Variants in MTMR9 observed in about 807,000 individuals in gnomAD.
MTMR9 encodes myotubularin-related protein 9.
In MTMR9, 39 loss-of-function variants were observed where a neutral mutation model predicts 69.5. The ratio of observed to expected loss-of-function variants is 0.56; its 90% confidence interval spans 0.43 to 0.73. MTMR9 has a LOEUF of 0.73. Ranked by LOEUF, MTMR9 falls within the 30% of genes least tolerant of loss-of-function variation. The pLI is 0.00. For synonymous variants in MTMR9, 354 were observed against 240.8 expected (o/e 1.47, Z -4.35); for missense variants, 900 against 671.2 (o/e 1.34, Z -3.77).
intron 1 of MTMR9, 153 bp from the exon 2 acceptor site, chr8:11,295,041 A>G (rs1339104499): frequency 2.4e-5 from 12 of 491,116 alleles, no homozygotes; most frequent in African/African-American, 1.8e-4. Context: ...CTCACATTTT[A>G]ATGATGCAGC....
the MTMR9 span, among the ~76,000 whole-genome samples, chr8:11,333,742 C>G: frequency 6.6e-6 from 1 of 152,148 alleles, no homozygotes; most frequent in Non-Finnish European, 1.5e-5. Flanking sequence ...ACAAGAAATG[C>G]TAAAGGGAGT....
At position 11,285,081 on chromosome 8, in the gene MTMR9, G is replaced by C; in HGVS notation, c.182+11G>C. ...CGCCATCGACAAGCGGTGAGTGCCCGCCCCACCCCAGCTCCGCAGGGAGCC... is the reference window on the plus strand; with the variant it reads ...CGCCATCGACAAGCGGTGAGTGCCCCCCCCACCCCAGCTCCGCAGGGAGCC... On this transcript the variant is annotated intron_variant, in intron 1 of 9. Transcript: ENST00000221086. 6.4e-7 allele frequency: 1 copy of C among 1,565,794 alleles called. No individual in the cohort carries two copies. Among genetic ancestry groups the C allele is most frequent in the Non-Finnish European group, 8.7e-7 (1 of 1,151,916 alleles).
chr8:11,306,392 A>G lies in MTMR9; in HGVS notation c.794A>G (p.His265Arg), dbSNP rs150284036. The G allele has an allele frequency of 6.2e-7, 1 of 1,613,958 alleles. No individual in the cohort carries two copies. Among genetic ancestry groups the G allele is most frequent in the Non-Finnish European group, 8.5e-7 (1 of 1,179,858 alleles). The change falls in exon 5 of 10, where the codon CAT (histidine) becomes CGT (arginine). Residue 265 changes from histidine to arginine, a missense_variant. Coordinates refer to ENST00000221086, the MANE Select transcript of MTMR9 (RefSeq NM_015458.4). The part of the protein sequence containing the change: ...EAHYPQWRRI[H>R]KSIERYHILQ... ...CATTATCCTCAGTGGAGGCGAATTC[A>G]TAAGTCCATTGAGAGGTAAAAGATT...
intron 4 of MTMR9, 82 bp from the exon 5 acceptor site, chr8:11,306,108 T>C: frequency 2.5e-6 from 3 of 1,214,866 alleles, no homozygotes; most frequent in Non-Finnish European, 3.5e-6. Context: ...TTTGAGATAC[T>C]CTTAATCTAG....
intron 7 of MTMR9, 38 bp from the exon 8 acceptor site, chr8:11,316,635 A>G: frequency 7.0e-7 from 1 of 1,425,210 alleles, no homozygotes. Context: ...ATGTGATCTC[A>G]CCAGGATATG....
At chr8:11,294,656 A>C (rs774173532) in intron 1 of MTMR9, 5 of 151,628 alleles carry the variant, frequency 3.3e-5, no homozygotes, top group Non-Finnish European at 5.9e-5. Flanking sequence ...CGCCCAGCTA[A>C]TTTTTTGTAT....
intron 4 of MTMR9, among the ~76,000 whole-genome samples, chr8:11,305,498 A>G (rs556905115): frequency 2.6e-5 from 4 of 152,240 alleles, no homozygotes; most frequent in Non-Finnish European, 2.9e-5. Flanking sequence ...GAGTTAAGAT[A>G]ACTACCTTGT....
chr8:11,291,424 G>A (rs1188137943), intron 1 of MTMR9, among the ~76,000 whole-genome samples: 1 of 152,064 alleles, frequency 6.6e-6, no homozygotes, highest in Non-Finnish European at 1.5e-5. Flanking sequence ...TGCTGTGATA[G>A]GGATGTATAC....
Position 11,324,492 on chromosome 8 carries a change from G to T in MTMR9, c.*1704G>T. On this transcript the variant is annotated 3_prime_UTR_variant, in exon 10 of 10. Transcript: ENST00000221086. Reference sequence around the variant, plus strand: ...CTCGTAGCTCTGCGTTGTGTGAAATGTCCATCTTAGTTTTGTTAAAAAAAA... The same window carrying T: ...CTCGTAGCTCTGCGTTGTGTGAAATTTCCATCTTAGTTTTGTTAAAAAAAA... 7.1e-6 allele frequency: 1 copy of T among 140,322 alleles called. No individual in the cohort carries two copies. The allele number at this position is 140,322 out of a possible 1,614,324, so 8.7% of individuals were successfully genotyped here. A position where few individuals can be genotyped will look rare whatever the true frequency, so the allele number is the denominator to read the frequency against.
intron 6 of MTMR9, among the ~76,000 whole-genome samples, chr8:11,312,738 A>G (rs1037569513): frequency 2.0e-5 from 3 of 152,234 alleles, no homozygotes; most frequent in African/African-American, 7.2e-5. Context: ...TACTTTGTCC[A>G]GAACCATCAG....
At chr8:11,309,814 C>G in intron 6 of MTMR9, 126 bp downstream of exon 6, 1 of 943,820 alleles carries the variant, frequency 1.1e-6, no homozygotes, top group Non-Finnish European at 1.5e-6. Flanking sequence ...CTAGTCAACA[C>G]CATCCCATTA....
At chr8:11,286,708 C>A (rs1488390148) in intron 1 of MTMR9, among the ~76,000 whole-genome samples, 1 of 149,300 alleles carries the variant, frequency 6.7e-6, no homozygotes, top group African/African-American at 2.5e-5. Flanking sequence ...AGTGGTCTCT[C>A]ATTGAAAATC....
rs1024577269 is a variant in MTMR9, at chr8:11,324,696, A to G, written c.*1908A>G. Reference sequence around the variant, plus strand: ...AAACCATCTAGAGAGTTTTCTTTAGAAGTGACTCCCATTAGCCTGGTGTGG... The same window carrying G: ...AAACCATCTAGAGAGTTTTCTTTAGGAGTGACTCCCATTAGCCTGGTGTGG... On this transcript the variant is annotated 3_prime_UTR_variant, in exon 10 of 10. Transcript: ENST00000221086. The G allele has an allele frequency of 2.0e-5, 3 of 152,152 alleles. No individual in the cohort carries two copies. Among genetic ancestry groups the G allele is most frequent in the Non-Finnish European group, 4.4e-5 (3 of 68,030 alleles). 9.4% of individuals were successfully genotyped at this position (152,152 alleles called of 1,614,324 possible).
At chr8:11,294,408 A>G (rs1294773311) in intron 1 of MTMR9, among the ~76,000 whole-genome samples, 17 of 151,680 alleles carry the variant, frequency 1.1e-4, no homozygotes, top group Non-Finnish European at 4.4e-5. Flanking sequence ...CAGGTTGAGG[A>G]AGTTCCCTTC....
chr8:11,332,033 C>A (rs962574609), downstream of MTMR9: 3 of 1,611,736 alleles, frequency 1.9e-6, no homozygotes, highest in African/African-American at 4.0e-5. Flanking sequence ...CACTTTCTGA[C>A]ATCATGGGGG....
At chr8:11,295,822 T>A (rs1182429917) in intron 2 of MTMR9, among the ~76,000 whole-genome samples, 1 of 152,154 alleles carries the variant, frequency 6.6e-6, no homozygotes, top group Non-Finnish European at 1.5e-5. Flanking sequence ...ACAGTTAGAA[T>A]TGCTTTTAGT....
In MTMR9 at chr8:11,325,460, C is replaced by T. The variant is rs999485603; in HGVS notation, c.*2672C>T. ...AGAATGAGTGAGCAAGCAGATTGCC[C>T]CAGAGGGGCCGGTAATAATCACGTG... is the stretch of plus-strand genomic sequence containing the variant. On this transcript the variant is annotated 3_prime_UTR_variant, in exon 10 of 10. Coordinates refer to ENST00000221086, the MANE Select transcript of MTMR9 (RefSeq NM_015458.4). 4 of 152,078 alleles carry T rather than the reference C, an allele frequency of 2.6e-5. No individual in the cohort carries two copies. The highest frequency in any genetic ancestry group is 9.7e-5 in the African/African-American group (4 of 41,392). The allele number at this position is 152,078 out of a possible 1,614,324, so 9.4% of individuals were successfully genotyped here. A position where few individuals can be genotyped will look rare whatever the true frequency, so the allele number is the denominator to read the frequency against.
the MTMR9 span, among the ~76,000 whole-genome samples, chr8:11,336,853 C>G: frequency 2.0e-5 from 3 of 152,142 alleles, no homozygotes; most frequent in Non-Finnish European, 2.9e-5. Flanking sequence ...GCACCATCCA[C>G]TATACCATTT....
chr8:11,333,620 T>C, the MTMR9 span, among the ~76,000 whole-genome samples: 1 of 152,234 alleles, frequency 6.6e-6, no homozygotes, highest in Non-Finnish European at 1.5e-5. Context: ...AGTATTATTA[T>C]AACTTTAGTT....
Sources: gnomAD v4.1 joint callset for allele counts (sites outside exome capture counted in the v4.1 genomes callset) on GRCh38, gnomAD v4.1.1 for gene constraint, MANE v1.5 for transcripts, NCBI Gene and HGNC (gene_info 2026-07-23, HGNC 2026-07-21) for gene names.